EXOC2: variants seen among roughly 807,000 people sequenced by gnomAD.
EXOC2 encodes exocyst complex component 2.
EXOC2 carries 70 observed loss-of-function variants against 131.8 expected under a neutral mutation model. That is an observed-to-expected ratio of 0.53 (90% CI 0.44 to 0.65). EXOC2 has a LOEUF of 0.65. Among genes scored for constraint, EXOC2 ranks in the 30% least tolerant of loss-of-function variants. The pLI is 0.00. For synonymous variants in EXOC2, 411 were observed against 398.4 expected (o/e 1.03, Z -0.38); for missense variants, 923 against 1,108.6 (o/e 0.83, Z 2.38).
intron 11 of EXOC2, among the ~76,000 whole-genome samples, chr6:591,997 T>G (rs1334185939): frequency 6.6e-6 from 1 of 152,204 alleles, no homozygotes; most frequent in South Asian, 2.1e-4. Flanking sequence ...TACTCCCTTT[T>G]GGAACATCTT....
At chr6:576,953 G>T in intron 11 of EXOC2, 71 bp from the exon 12 acceptor site, 3 of 1,429,598 alleles carry the variant, frequency 2.1e-6, no homozygotes, top group Admixed American at 2.0e-5. Flanking sequence ...TGATTTAATG[G>T]TCTGCTTCTC....
chr6:692,413 C>G (rs1465332955), intron 1 of EXOC2, among the ~76,000 whole-genome samples: 2 of 152,246 alleles, frequency 1.3e-5, no homozygotes, highest in African/African-American at 4.8e-5. Context: ...CGCGCAAGGT[C>G]TCAATGGCAG....
intron 11 of EXOC2, among the ~76,000 whole-genome samples, chr6:582,312 A>G (rs1150825): frequency 0.95 from 145,076 of 152,116 alleles, 69,278 homozygotes; most frequent in East Asian, 1. Flanking sequence ...GCCTGCAGAC[A>G]CGGAGCCAGG....
In EXOC2 at chr6:617,711, C is replaced by A; in HGVS notation, c.661G>T (p.Ala221Ser). 1 of 1,611,570 alleles carries A rather than the reference C, an allele frequency of 6.2e-7. No individual in the cohort carries two copies. The highest frequency in any genetic ancestry group is 8.5e-7 in the Non-Finnish European group (1 of 1,178,770). ...CAGATGGCTCTGAGGATCGCCTTAC[C>A]TGAGAGGGCATCCTGTGCTTCGAAG... ...TFFEAQDALS[A>S]IHQKLEADGT... Residue 221 changes from alanine to serine, a missense_variant and splice_region_variant, in exon 6 of 28, where the codon GCC becomes TCC. Physicochemically the swap from Ala to Ser is moderately conservative, Grantham distance 99. Coordinates refer to ENST00000230449, the MANE Select transcript of EXOC2 (RefSeq NM_018303.6).
At chr6:680,028 T>C (rs1346383529) in intron 1 of EXOC2, among the ~76,000 whole-genome samples, 2 of 151,906 alleles carry the variant, frequency 1.3e-5, no homozygotes, top group African/African-American at 2.4e-5. Flanking sequence ...ATGACTATTT[T>C]TTTTTTTATT....
intron 6 of EXOC2, among the ~76,000 whole-genome samples, chr6:612,677 C>T (rs956046956): frequency 6.6e-6 from 1 of 152,126 alleles, no homozygotes; most frequent in African/African-American, 2.4e-5. Context: ...TAGACACTAA[C>T]AACAGAATGT....
intron 5 of EXOC2, 96 bp from the exon 6 acceptor site, chr6:617,931 G>T (rs1266952318): frequency 1.4e-6 from 2 of 1,382,866 alleles, no homozygotes; most frequent in Non-Finnish European, 1.9e-6. Flanking sequence ...TGCTAAAACC[G>T]ATGCTAAGTA....
Position 555,937 on chromosome 6 carries a change from C to T in EXOC2, c.1992+17G>A. 1 of 1,612,072 alleles carries T rather than the reference C, an allele frequency of 6.2e-7. No individual in the cohort carries two copies. Among genetic ancestry groups the T allele is most frequent in the Non-Finnish European group, 8.5e-7 (1 of 1,179,196 alleles). On this transcript the variant is annotated intron_variant, in intron 19 of 27. Transcript: ENST00000230449. ...GTATTATTTGAGGCTTTCAGCATTA[C>T]TGCTTTCTATTATTACCTGCATTAT...
chr6:571,514 T>C (rs1758276274), intron 13 of EXOC2, among the ~76,000 whole-genome samples: 2 of 152,140 alleles, frequency 1.3e-5, no homozygotes, highest in Admixed American at 1.3e-4. Flanking sequence ...AATATCAGCA[T>C]GAATTTATGG....
In EXOC2 at chr6:489,045, C is replaced by G. The variant is rs914434114; in HGVS notation, c.2622-7G>C. 2 of 1,613,598 alleles carry G rather than the reference C, an allele frequency of 1.2e-6. No homozygotes were observed. Among genetic ancestry groups the G allele is most frequent in the Non-Finnish European group, 1.7e-6 (2 of 1,179,798 alleles). On this transcript the variant is annotated splice_polypyrimidine_tract_variant and splice_region_variant and intron_variant, in intron 26 of 27. Coordinates refer to ENST00000230449, the MANE Select transcript of EXOC2 (RefSeq NM_018303.6). Reference sequence around the variant, plus strand: ...AGCCTGCTTAAAACTTGACCTGAAACACAAACAGCCACACTGAAGTTGAAG... The same window carrying G: ...AGCCTGCTTAAAACTTGACCTGAAAGACAAACAGCCACACTGAAGTTGAAG...
rs1431250563 is a variant in EXOC2, at chr6:592,595, A to G, written c.1074-8T>C. 1.9e-6 allele frequency: 3 copies of G among 1,609,738 alleles called. No homozygotes were observed. The highest frequency in any genetic ancestry group is 4.5e-5 in the East Asian group (2 of 44,818). On this transcript the variant is annotated splice_region_variant and splice_polypyrimidine_tract_variant and intron_variant, in intron 10 of 27. Transcript: ENST00000230449. ...TGAAGGTCAGACAGGTACCTGAAAA[A>G]GCAAGTCCAAGGTTGAGGCCAAAGG...
intron 1 of EXOC2, among the ~76,000 whole-genome samples, chr6:673,023 G>C (rs578114726): frequency 1.3e-4 from 20 of 152,026 alleles, no homozygotes; most frequent in African/African-American, 3.1e-4. Flanking sequence ...ACTTTGGGAG[G>C]CCAAGGCGGG....
chr6:563,158 G>C (rs1757787795), intron 16 of EXOC2, among the ~76,000 whole-genome samples: 1 of 152,156 alleles, frequency 6.6e-6, no homozygotes, highest in African/African-American at 2.4e-5. Flanking sequence ...CACAACACTA[G>C]GCATGTACAA....
chr6:659,998 G>T (rs9504642), intron 1 of EXOC2, among the ~76,000 whole-genome samples: 4 of 151,502 alleles, frequency 2.6e-5, no homozygotes, highest in Non-Finnish European at 4.4e-5. Flanking sequence ...GGGCTGTTGG[G>T]GGGGGGACAC....
chr6:594,823 G>C (rs1413928476), intron 10 of EXOC2, among the ~76,000 whole-genome samples: 4 of 152,098 alleles, frequency 2.6e-5, no homozygotes, highest in Non-Finnish European at 5.9e-5. Context: ...TAAGTTTCTT[G>C]TTTCCTTTCA....
chr6:578,122 CCCA>C (rs1758685791), intron 11 of EXOC2, among the ~76,000 whole-genome samples: 1 of 152,104 alleles, frequency 6.6e-6, no homozygotes, highest in African/African-American at 2.4e-5. Flanking sequence ...ACAAATAACT[CCCA>C]CCACATGTAG....
At chr6:628,037 A>C (rs1435023379) in intron 4 of EXOC2, among the ~76,000 whole-genome samples, 2 of 152,216 alleles carry the variant, frequency 1.3e-5, no homozygotes, top group Non-Finnish European at 2.9e-5. Context: ...GTATATATCC[A>C]AGAAGAGCAA....
chr6:492,574 A>C (rs1198039756), intron 25 of EXOC2, among the ~76,000 whole-genome samples: 1 of 152,240 alleles, frequency 6.6e-6, no homozygotes, highest in African/African-American at 2.4e-5. Flanking sequence ...ATGTAAAAAG[A>C]AGCGAGGCAC....
intron 21 of EXOC2, among the ~76,000 whole-genome samples, chr6:550,304 A>G (rs1757077864): frequency 6.6e-6 from 1 of 152,198 alleles, no homozygotes; most frequent in African/African-American, 2.4e-5. Flanking sequence ...ATTTTTTTGG[A>G]TATGTGAAAA....
Sources: allele counts gnomAD v4.1 joint callset (sites outside exome capture counted in the v4.1 genomes callset), GRCh38; gene constraint gnomAD v4.1.1; transcripts MANE v1.5; gene names NCBI Gene and HGNC (gene_info 2026-07-23, HGNC 2026-07-21).